CALN1: variants seen among roughly 807,000 people sequenced by gnomAD.
CALN1 encodes the protein calcium-binding protein 8.
In CALN1, 17 loss-of-function variants were observed where a neutral mutation model predicts 30.6. The observed-to-expected ratio is 0.56, with a 90% CI of 0.38 to 0.83. The LOEUF (loss-of-function observed/expected upper bound fraction) is 0.83. CALN1 is among the 40% of genes least tolerant of loss of function. The probability of loss-of-function intolerance (pLI) is 0.00; values close to 1 mark genes in which losing one functional copy is unlikely to be tolerated. For synonymous variants in CALN1, 156 were observed against 131.4 expected, an observed-to-expected ratio of 1.19 and a Z score of -1.28; for missense variants, 291 against 354.9, an observed-to-expected ratio of 0.82 and a Z score of 1.45.
At chr7:72,403,559 G>C in intron 1 of CALN1, 117 bp from the exon 2 acceptor site, 1 of 473,510 alleles carries the variant, frequency 2.1e-6, no homozygotes, top group Non-Finnish European at 3.7e-6. Context: ...GACAATGGTA[G>C]AAACACAATC....
chr7:72,257,627 GA>G (rs149172501), intron 3 of CALN1, among the ~76,000 whole-genome samples: 2,007 of 152,182 alleles, frequency 0.013, 42 homozygotes, highest in African/African-American at 0.046. Flanking sequence ...TACCCAAAGG[GA>G]AAGAAGTCAT....
intron 4 of CALN1, among the ~76,000 whole-genome samples, chr7:72,087,974 A>T (rs1805591850): frequency 1.3e-5 from 2 of 152,070 alleles, no homozygotes; most frequent in South Asian, 4.2e-4. Flanking sequence ...AACAGCCTGG[A>T]AAACACAGTA....
At chr7:72,391,491 G>A (rs1805575766) in intron 2 of CALN1, among the ~76,000 whole-genome samples, 1 of 151,826 alleles carries the variant, frequency 6.6e-6, no homozygotes, top group Non-Finnish European at 1.5e-5. Flanking sequence ...GAAGAAGTGT[G>A]GTAGTTTTAA....
intron 2 of CALN1, among the ~76,000 whole-genome samples, chr7:72,396,765 G>A (rs1805989013): frequency 6.6e-6 from 1 of 152,180 alleles, no homozygotes; most frequent in Non-Finnish European, 1.5e-5. Context: ...TAAGACAAGT[G>A]AGTCGGGGTT....
rs543664979 is a variant in CALN1, at chr7:72,112,000, C to A, written c.245-5706G>T. Among the ~76,000 whole-genome samples, 215 of 152,240 alleles carry A rather than the reference C, an allele frequency of 1.4e-3. 1 individual carries two copies. The highest frequency in any genetic ancestry group is 5.1e-3 in the African/African-American group (210 of 41,542). On this transcript the variant is annotated intron_variant, in intron 3 of 6. Coordinates refer to ENST00000395275, the MANE Select transcript of CALN1 (RefSeq NM_031468.4). ...TCCTAACCTCAGGTGATCCACCCCC[C>A]TCTGCTTCCCAAAGTGCTAGGATAA... is the stretch of plus-strand genomic sequence containing the variant.
At chr7:72,415,028 G>C (rs1370215718), upstream of CALN1, among the ~76,000 whole-genome samples, 1 of 152,236 alleles carries the variant, frequency 6.6e-6, no homozygotes, top group Non-Finnish European at 1.5e-5. Context: ...TCTCTGCCAT[G>C]TGAGGACACA....
rs538956503 is a variant in CALN1 at position 72,379,290 on chromosome 7, C to T, written c.119+23961G>A. On this transcript the variant is annotated intron_variant, in intron 2 of 6. Transcript: ENST00000395275. ...GATTAGAGGTGTGAAGCACCACACCCGGCCAATTTATTCTCATTTTCTCTG... is the reference window on the plus strand; with the variant it reads ...GATTAGAGGTGTGAAGCACCACACCTGGCCAATTTATTCTCATTTTCTCTG... 7.9e-5 allele frequency among the ~76,000 whole-genome samples: 12 copies of T among 152,194 alleles called. No homozygotes were observed. In the South Asian group the frequency reaches 1.7e-3, roughly 21 times the overall value.
chr7:71,926,441 C>T (rs913633529), intron 5 of CALN1, among the ~76,000 whole-genome samples: 1 of 152,174 alleles, frequency 6.6e-6, no homozygotes, highest in African/African-American at 2.4e-5. Context: ...TCCAATAGGC[C>T]TATTGGAGAG....
At chr7:72,015,143 A>G (rs1344283761) in intron 5 of CALN1, among the ~76,000 whole-genome samples, 1 of 152,206 alleles carries the variant, frequency 6.6e-6, no homozygotes, top group Non-Finnish European at 1.5e-5. Flanking sequence ...CTAAAGATCA[A>G]TTACACTTAT....
intron 5 of CALN1, among the ~76,000 whole-genome samples, chr7:71,921,037 G>A (rs1794918212): frequency 6.6e-6 from 1 of 152,202 alleles, no homozygotes; most frequent in Non-Finnish European, 1.5e-5. Context: ...AAAAAAGGAT[G>A]CGTTCATGTC....
intron 6 of CALN1, among the ~76,000 whole-genome samples, chr7:71,796,799 TG>T (rs1389872888): frequency 1.3e-5 from 2 of 152,154 alleles, no homozygotes; most frequent in Non-Finnish European, 2.9e-5. Flanking sequence ...AGAAAGTATT[TG>T]GGAATGAAAC....
intron 5 of CALN1, among the ~76,000 whole-genome samples, chr7:71,978,643 C>T (rs946349030): frequency 2.6e-5 from 4 of 152,134 alleles, no homozygotes; most frequent in African/African-American, 9.7e-5. Flanking sequence ...GGTGTTGTCA[C>T]GAGACCTATT....
chr7:71,856,723 G>C (rs934745453), intron 5 of CALN1, among the ~76,000 whole-genome samples: 7 of 152,114 alleles, frequency 4.6e-5, no homozygotes, highest in African/African-American at 1.7e-4. Context: ...GGGAAGCTGA[G>C]GTGGGCAGAT....
intron 4 of CALN1, among the ~76,000 whole-genome samples, chr7:72,081,268 T>G (rs577465815): frequency 5.3e-5 from 8 of 152,246 alleles, no homozygotes; most frequent in African/African-American, 1.9e-4. Context: ...CAGAAACTTC[T>G]AGAAAACATG....
At chr7:72,438,908 G>A (rs900384272) in intron 1 of CALN1, among the ~76,000 whole-genome samples, 1 of 152,166 alleles carries the variant, frequency 6.6e-6, no homozygotes, top group African/African-American at 2.4e-5. Flanking sequence ...AAATAGACAA[G>A]GTACAAGCCA....
At chr7:72,433,046 C>A (rs553206476) in intron 1 of CALN1, among the ~76,000 whole-genome samples, 1 of 152,112 alleles carries the variant, frequency 6.6e-6, no homozygotes, top group African/African-American at 2.4e-5. Context: ...TAGGCTCAAG[C>A]GCAGAAAAGG....
chr7:72,361,003 A>T (rs908743042), intron 2 of CALN1, among the ~76,000 whole-genome samples: 1 of 152,136 alleles, frequency 6.6e-6, no homozygotes, highest in Admixed American at 6.6e-5. Flanking sequence ...CTGGGATTAC[A>T]GGCATGAGCC....
At chr7:71,820,544 T>G (rs994671509) in intron 5 of CALN1, among the ~76,000 whole-genome samples, 1 of 152,190 alleles carries the variant, frequency 6.6e-6, no homozygotes. Context: ...ACATTCACAA[T>G]AGACATAAAG....
chr7:72,494,461 A>G, the CALN1 span, among the ~76,000 whole-genome samples: 1 of 152,196 alleles, frequency 6.6e-6, no homozygotes, highest in Non-Finnish European at 1.5e-5. Flanking sequence ...GGCAGTGACT[A>G]TTGCCCTCCA....
Sources: allele counts gnomAD v4.1 joint callset (sites outside exome capture counted in the v4.1 genomes callset), GRCh38; gene constraint gnomAD v4.1.1; transcripts MANE v1.5; gene names NCBI Gene and HGNC (gene_info 2026-07-23, HGNC 2026-07-21).